Variants in ST3GAL6 observed in about 807,000 individuals in gnomAD.
ST3GAL6 encodes the protein type 2 lactosamine alpha-2,3-sialyltransferase.
Under a neutral mutation model 40.5 loss-of-function variants are expected in ST3GAL6, and 31 were observed. That is an observed-to-expected ratio of 0.77 (90% CI 0.58 to 1.03). ST3GAL6 has a LOEUF of 1.03. Among genes scored for constraint, ST3GAL6 ranks in the 50% least tolerant of loss-of-function variants. ST3GAL6 has a pLI of 0.00. For missense variants in ST3GAL6, 357 were observed against 393.2 expected (o/e 0.91, Z 0.78); for synonymous variants, 129 against 136.9 (o/e 0.94, Z 0.40).
intron 5 of ST3GAL6, chr3:98,783,445 C>A: frequency 1.7e-6 from 1 of 577,944 alleles, no homozygotes; most frequent in Non-Finnish European, 2.2e-6. Context: ...CCCTTGCCGG[C>A]AACACTGTGT....
intron 2 of ST3GAL6, among the ~76,000 whole-genome samples, chr3:98,769,790 G>T (rs1197212537): frequency 6.7e-6 from 1 of 148,852 alleles, no homozygotes; most frequent in Non-Finnish European, 1.5e-5. Context: ...GTCACCCAAA[G>T]GTTGTCTTCA....
intron 8 of ST3GAL6, among the ~76,000 whole-genome samples, chr3:98,789,093 A>G (rs953166226): frequency 2.0e-5 from 3 of 152,368 alleles, no homozygotes; most frequent in East Asian, 3.9e-4. Flanking sequence ...AGACCCATAC[A>G]GTGGCAGAGA....
chr3:98,793,547 T>C, intron 9 of ST3GAL6, 128 bp from the exon 10 acceptor site: 1 of 548,722 alleles, frequency 1.8e-6, no homozygotes, highest in Non-Finnish European at 3.1e-6. Flanking sequence ...AAGTTAAAAG[T>C]ACATGCAACT....
intron 1 of ST3GAL6, chr3:98,732,709 C>T (rs1273671777): frequency 2.7e-6 from 2 of 740,952 alleles, no homozygotes; most frequent in Non-Finnish European, 4.0e-6. Context: ...GCGCAGTCGC[C>T]CGGGATTGGG....
chr3:98,734,998 G>A (rs1935408424), intron 1 of ST3GAL6, among the ~76,000 whole-genome samples: 1 of 152,154 alleles, frequency 6.6e-6, no homozygotes, highest in African/African-American at 2.4e-5. Context: ...CTTCCATCCA[G>A]GAGTGGTGAC....
chr3:98,735,679 T>G (rs1196333065), intron 1 of ST3GAL6, among the ~76,000 whole-genome samples: 2 of 152,232 alleles, frequency 1.3e-5, no homozygotes, highest in Non-Finnish European at 2.9e-5. Flanking sequence ...CTCTCCTGTC[T>G]GTCCCAACTG....
intron 2 of ST3GAL6, among the ~76,000 whole-genome samples, 183 bp downstream of exon 2, chr3:98,768,712 G>A (rs948377618): frequency 6.6e-6 from 1 of 152,252 alleles, no homozygotes; most frequent in African/African-American, 2.4e-5. Flanking sequence ...CAATTTAAAA[G>A]TTGACAAGCA....
chr3:98,745,068 C>G (rs1936436687), intron 1 of ST3GAL6, among the ~76,000 whole-genome samples: 1 of 151,620 alleles, frequency 6.6e-6, no homozygotes, highest in African/African-American at 2.4e-5. Context: ...GAGTCTTGCT[C>G]TGTCACCCAG....
chr3:98,776,631 T>C (rs911264077), intron 5 of ST3GAL6, among the ~76,000 whole-genome samples: 18 of 152,220 alleles, frequency 1.2e-4, no homozygotes, highest in Non-Finnish European at 2.4e-4. Context: ...TCTTTACTGA[T>C]ATTTATATAA....
intron 1 of ST3GAL6, among the ~76,000 whole-genome samples, chr3:98,746,757 A>G (rs1277472809): frequency 2.6e-5 from 4 of 152,158 alleles, no homozygotes; most frequent in Admixed American, 6.5e-5. Flanking sequence ...TACATATTAT[A>G]TGTATGTATT....
At position 98,782,718 on chromosome 3, in the gene ST3GAL6, C is replaced by A. The variant is rs1940257533; in HGVS notation, c.336-2227C>A. ...AAAACTGCTGCCAGCAGGGAGGAGG[C>A]CAATGGCGTGTCCATAGATCATGTT... On this transcript the variant is annotated intron_variant, in intron 5 of 9. Transcript: ENST00000483910. 5 of 470,268 alleles carry A rather than the reference C, an allele frequency of 1.1e-5. No homozygotes were observed. In the East Asian group the frequency reaches 2.3e-4, roughly 21 times the overall value. The allele number at this position is 470,268 out of a possible 1,614,324, so 29.1% of individuals were successfully genotyped here.
chr3:98,743,106 C>T (rs975860894), intron 1 of ST3GAL6, among the ~76,000 whole-genome samples: 6 of 148,826 alleles, frequency 4.0e-5, no homozygotes, highest in African/African-American at 1.2e-4. Flanking sequence ...CTTCCCAGCT[C>T]AAGCGATCCT....
At position 98,788,399 on chromosome 3, in the gene ST3GAL6, C is replaced by A; in HGVS notation, c.692C>A (p.Pro231His). 1 of 1,613,026 alleles carries A rather than the reference C, an allele frequency of 6.2e-7. No individual in the cohort carries two copies. The highest frequency in any genetic ancestry group is 8.5e-7 in the Non-Finnish European group (1 of 1,179,672). Residue 231 changes from proline to histidine, a missense_variant, in exon 8 of 10, where the codon CCT becomes CAT. Physicochemically the swap from Pro to His is moderately conservative, Grantham distance 77 (BLOSUM62 -2). Transcript: ENST00000483910. ...CCTTATCAAATCCGAATATTAGATC[C>A]TTTCATTATCAGAACAGCAGCTTAT... Reference protein sequence around the residue: ...YKPYQIRILDPFIIRTAAYEL... With the variant: ...YKPYQIRILDHFIIRTAAYEL...
chr3:98,758,526 G>A (rs1937551343), upstream of ST3GAL6, among the ~76,000 whole-genome samples: 1 of 152,148 alleles, frequency 6.6e-6, no homozygotes, highest in Non-Finnish European at 1.5e-5. Context: ...GCCAGAAATA[G>A]GGTCTAATTC....
At chr3:98,737,392 T>C (rs367694755) in intron 1 of ST3GAL6, among the ~76,000 whole-genome samples, 1 of 152,218 alleles carries the variant, frequency 6.6e-6, no homozygotes, top group Non-Finnish European at 1.5e-5. Context: ...CTCACACACA[T>C]AAACACACAA....
chr3:98,767,703 T>C (rs970339069), intron 1 of ST3GAL6, among the ~76,000 whole-genome samples: 1 of 152,250 alleles, frequency 6.6e-6, no homozygotes, highest in African/African-American at 2.4e-5. Context: ...GTTTTATAGG[T>C]TTTTAAAATA....
At chr3:98,782,632 C>CT (rs1559750278) in intron 5 of ST3GAL6, 15 of 463,424 alleles carry the variant, frequency 3.2e-5, no homozygotes, top group African/African-American at 3.0e-4. Context: ...CAGCTGGCCT[C>CT]TCTTCTGAAA....
intron 1 of ST3GAL6, chr3:98,733,734 C>A: frequency 1.8e-6 from 1 of 549,746 alleles, no homozygotes; most frequent in Non-Finnish European, 2.3e-6. Context: ...TAAAAGAAAA[C>A]CTATAAAAAG....
intron 6 of ST3GAL6, among the ~76,000 whole-genome samples, chr3:98,787,400 G>T (rs1239721521): frequency 6.6e-6 from 1 of 152,084 alleles, no homozygotes; most frequent in African/African-American, 2.4e-5. Flanking sequence ...TTTTTTTATA[G>T]CATGGCTTCA....
Sources: allele counts gnomAD v4.1 joint callset (sites outside exome capture counted in the v4.1 genomes callset), GRCh38; gene constraint gnomAD v4.1.1; transcripts MANE v1.5; gene names NCBI Gene and HGNC (gene_info 2026-07-23, HGNC 2026-07-21).